The following RNF150 variants were observed in gnomAD, a reference collection of about 807,000 sequenced individuals.
RNF150 encodes the protein ring finger protein 150.
In RNF150, 24 loss-of-function variants were observed where a neutral mutation model predicts 39.3. The ratio of observed to expected loss-of-function variants is 0.61; its 90% confidence interval spans 0.44 to 0.86. RNF150 has a LOEUF of 0.86. Among genes scored for constraint, RNF150 ranks in the 40% least tolerant of loss-of-function variants. The probability of loss-of-function intolerance (pLI) is 0.00; values close to 1 mark genes in which losing one functional copy is unlikely to be tolerated. For synonymous variants in RNF150, 255 were observed against 227.3 expected, an observed-to-expected ratio of 1.12 and a Z score of -1.10; for missense variants, 502 against 587.8, an observed-to-expected ratio of 0.85 and a Z score of 1.51.
chr4:140,974,609 A>T (rs975793468), intron 1 of RNF150, among the ~76,000 whole-genome samples: 2 of 152,170 alleles, frequency 1.3e-5, no homozygotes, highest in Non-Finnish European at 2.9e-5. Flanking sequence ...ATCATTTTAC[A>T]TTCCCACCAG....
chr4:140,887,018 T>C (rs1253836338), intron 6 of RNF150, among the ~76,000 whole-genome samples: 1 of 152,214 alleles, frequency 6.6e-6, no homozygotes, highest in African/African-American at 2.4e-5. Context: ...ATTTTTGTAA[T>C]TAAGTTCTTG....
At chr4:140,967,249 C>T (rs1226215553) in intron 2 of RNF150, among the ~76,000 whole-genome samples, 1 of 152,062 alleles carries the variant, frequency 6.6e-6, no homozygotes, top group Non-Finnish European at 1.5e-5. Flanking sequence ...TGTTTAATTG[C>T]TATTTAAAAT....
Position 140,949,340 on chromosome 4 carries a change from G to C in RNF150, c.768C>G (p.Ile256Met). ...RRLGDAAKKA[I>M]SKLQIRTIKK... Reference sequence around the variant, plus strand: ...TGATGGTCCTGATCTGGAGTTTGCTGATGGCTTTCTTTGCTGCATCCCCCA... The same window carrying C: ...TGATGGTCCTGATCTGGAGTTTGCTCATGGCTTTCTTTGCTGCATCCCCCA... The change falls in exon 3 of 7, where the codon ATC (isoleucine) becomes ATG (methionine). Residue 256 changes from isoleucine (I) to methionine (M), a missense_variant. Transcript: ENST00000515673. 6.2e-7 allele frequency: 1 copy of C among 1,613,222 alleles called. No homozygotes were observed. The highest frequency in any genetic ancestry group is 8.5e-7 in the Non-Finnish European group (1 of 1,179,512).
chr4:140,940,264 C>T (rs1732031387), intron 4 of RNF150, among the ~76,000 whole-genome samples: 1 of 152,138 alleles, frequency 6.6e-6, no homozygotes, highest in Non-Finnish European at 1.5e-5. Flanking sequence ...TCCTTGTATA[C>T]AACTTTATGG....
At chr4:141,026,364 G>T (rs779838480) in intron 1 of RNF150, among the ~76,000 whole-genome samples, 5 of 152,184 alleles carry the variant, frequency 3.3e-5, no homozygotes, top group Non-Finnish European at 5.9e-5. Flanking sequence ...CTTCAGGCAA[G>T]GATTAACAAC....
intron 1 of RNF150, among the ~76,000 whole-genome samples, chr4:141,025,134 A>G (rs1032541789): frequency 6.6e-6 from 1 of 152,182 alleles, no homozygotes; most frequent in Admixed American, 6.5e-5. Flanking sequence ...TCTTCAAGAA[A>G]TTCTGATTAC....
chr4:140,999,659 G>A (rs1265295663), intron 1 of RNF150, among the ~76,000 whole-genome samples: 5 of 152,060 alleles, frequency 3.3e-5, no homozygotes, highest in Admixed American at 6.5e-5. Flanking sequence ...TCCAGGCCAC[G>A]TGCGGCGGCT....
At chr4:140,968,182 T>C (rs1293015380) in intron 1 of RNF150, among the ~76,000 whole-genome samples, 1 of 152,082 alleles carries the variant, frequency 6.6e-6, no homozygotes, top group Non-Finnish European at 1.5e-5. Context: ...ACTCCAGGTC[T>C]GGTAAAGGTG....
In RNF150 at chr4:140,868,143, G is replaced by A; in HGVS notation, c.*118C>T. On this transcript the variant is annotated 3_prime_UTR_variant, in exon 7 of 7. Transcript: ENST00000515673. ...CTTTTCGTCAGCATTCTTGAACGGA[G>A]CGCCCTGGAGTTGCCAAGGTGATCT... The A allele has an allele frequency of 1.5e-6, 1 of 666,432 alleles. No individual in the cohort carries two copies. Among genetic ancestry groups the A allele is most frequent in the Non-Finnish European group, 2.7e-6 (1 of 368,120 alleles). The allele number at this position is 666,432 out of a possible 1,614,324, so 41.3% of individuals were successfully genotyped here.
intron 3 of RNF150, among the ~76,000 whole-genome samples, chr4:140,948,405 C>T (rs1318666793): frequency 2.6e-5 from 4 of 152,028 alleles, no homozygotes; most frequent in Non-Finnish European, 5.9e-5. Flanking sequence ...TTACATTGCC[C>T]CAAGGAGTTC....
chr4:140,956,268 C>T (rs1280262801), intron 2 of RNF150, among the ~76,000 whole-genome samples: 1 of 152,178 alleles, frequency 6.6e-6, no homozygotes, highest in Non-Finnish European at 1.5e-5. Context: ...ACACCGCTTG[C>T]TGTTTGCCTT....
intron 2 of RNF150, among the ~76,000 whole-genome samples, chr4:140,961,067 G>A (rs1324657570): frequency 2.6e-5 from 4 of 152,086 alleles, no homozygotes; most frequent in African/African-American, 9.6e-5. Flanking sequence ...TGACTCCAAA[G>A]TTGGTATCTT....
intron 1 of RNF150, among the ~76,000 whole-genome samples, chr4:141,036,106 G>C (rs1420111058): frequency 1.3e-5 from 2 of 152,186 alleles, no homozygotes; most frequent in Non-Finnish European, 2.9e-5. Flanking sequence ...AAATGTGACA[G>C]ACATGTGGAG....
intron 4 of RNF150, among the ~76,000 whole-genome samples, chr4:140,935,036 TATATATATAA>T (rs1317430855): frequency 2.4e-3 from 13 of 5,378 alleles, no homozygotes; most frequent in African/African-American, 5.3e-3. Flanking sequence ...ATTTATAATA[TATATATATAA>T]ATATATATAT....
intron 4 of RNF150, among the ~76,000 whole-genome samples, chr4:140,926,328 C>A (rs562092379): frequency 6.6e-6 from 1 of 152,148 alleles, no homozygotes; most frequent in African/African-American, 2.4e-5. Flanking sequence ...GTAGAAAATG[C>A]AGAAACTGAG....
At chr4:141,000,026 G>GAGAAGAA (rs1734574180) in intron 1 of RNF150, among the ~76,000 whole-genome samples, 1 of 32,302 alleles carries the variant, frequency 3.1e-5, no homozygotes, top group Non-Finnish European at 8.3e-5. Flanking sequence ...AGAAGAAGAA[G>GAGAAGAA]AAGAAGAAGA....
chr4:141,151,101 G>C (rs961440334), intron 1 of RNF150, among the ~76,000 whole-genome samples: 2 of 151,672 alleles, frequency 1.3e-5, no homozygotes, highest in Non-Finnish European at 2.9e-5. Context: ...TACCATACCT[G>C]GCTAAGTTTT....
chr4:141,165,068 A>G (rs1727577890), intron 1 of RNF150, among the ~76,000 whole-genome samples: 4 of 152,208 alleles, frequency 2.6e-5, no homozygotes, highest in Admixed American at 2.6e-4. Context: ...ACATGCAAAG[A>G]CAGACATAGC....
chr4:141,007,077 T>C (rs1412938370), intron 1 of RNF150, among the ~76,000 whole-genome samples: 1 of 152,226 alleles, frequency 6.6e-6, no homozygotes, highest in African/African-American at 2.4e-5. Context: ...TGGTTTTCAA[T>C]GTAAAATATT....
Sources: allele counts gnomAD v4.1 joint callset (sites outside exome capture counted in the v4.1 genomes callset), GRCh38; gene constraint gnomAD v4.1.1; transcripts MANE v1.5; gene names NCBI Gene and HGNC (gene_info 2026-07-23, HGNC 2026-07-21).